MGA: variants seen among roughly 807,000 people sequenced by gnomAD.
MGA encodes the protein MAX gene-associated protein.
Under a neutral mutation model 261.1 loss-of-function variants are expected in MGA, and 40 were observed. The observed-to-expected ratio is 0.15, with a 90% CI of 0.12 to 0.20. MGA has a LOEUF of 0.20. Among genes scored for constraint, MGA ranks in the 10% least tolerant of loss-of-function variants. MGA has a pLI of 1.00. For synonymous variants in MGA, 1,302 were observed against 1,290.6 expected (o/e 1.01, Z -0.19); for missense variants, 3,397 against 3,630.5 (o/e 0.94, Z 1.65).
rs2061305489 is a variant in MGA, at chr15:41,727,370, A to G, written c.3621A>G (p.Lys1207=). 2 of 1,613,978 alleles carry G rather than the reference A, an allele frequency of 1.2e-6. No individual in the cohort carries two copies. Among genetic ancestry groups the G allele is most frequent in the Non-Finnish European group, 1.7e-6 (2 of 1,179,888 alleles). Residue 1207 remains lysine (K), a synonymous_variant, in exon 10 of 24, where the codon AAA becomes AAG. Coordinates refer to ENST00000219905, the MANE Select transcript of MGA (RefSeq NM_001164273.2). ...AGGGCAAACTGCTCACTGGAATTAA[A>G]TCTCCACGGTCATATACTCCCAAAC...
chr15:41,657,339 C>CTTTTTT (rs373920516), upstream of MGA, among the ~76,000 whole-genome samples: 1 of 106,920 alleles, frequency 9.4e-6, no homozygotes, highest in African/African-American at 4.3e-5. Context: ...AGTGAAGGCC[C>CTTTTTT]TTTTTTTTTT....
intron 9 of MGA, among the ~76,000 whole-genome samples, chr15:41,714,487 C>T (rs772927202): frequency 5.9e-5 from 9 of 152,140 alleles, no homozygotes; most frequent in African/African-American, 1.2e-4. Context: ...CAACTTCAGA[C>T]GTATGCCAGT....
In MGA at chr15:41,740,091, A is replaced by G. The variant is rs1427928241; in HGVS notation, c.4473A>G (p.Pro1491=). The change falls in exon 14 of 24, where the codon CCA becomes CCG. Residue 1491 remains proline, a synonymous_variant. Transcript: ENST00000219905. ...CCAAGGTGGCTGCATCCAGGAAACCACGTACCCTGTTGCCTTCAACATCCA... is the reference window on the plus strand; with the variant it reads ...CCAAGGTGGCTGCATCCAGGAAACCGCGTACCCTGTTGCCTTCAACATCCA... The G allele has an allele frequency of 1.2e-6, 2 of 1,613,926 alleles. No individual in the cohort carries two copies. The highest frequency in any genetic ancestry group is 2.7e-5 in the African/African-American group (2 of 74,948).
chr15:41,752,549 GTTTTTTTTTT>G (rs35282917), intron 17 of MGA, among the ~76,000 whole-genome samples: 21 of 102,146 alleles, frequency 2.1e-4, no homozygotes, highest in African/African-American at 4.1e-4. Flanking sequence ...AACCTTTAAA[GTTTTTTTTTT>G]TTTTTTTTTT....
chr15:41,743,098 C>T lies in MGA; in HGVS notation c.5138C>T (p.Pro1713Leu), dbSNP rs753036059. The T allele has an allele frequency of 1.2e-6, 2 of 1,613,926 alleles. No homozygotes were observed. Among genetic ancestry groups the T allele is most frequent in the Admixed American group, 3.3e-5 (2 of 60,014 alleles). The change falls in exon 15 of 24, where the codon CCA becomes CTA. Residue 1713 changes from proline to leucine, a missense_variant. Physicochemically the swap from Pro to Leu is moderately conservative, Grantham distance 98 (BLOSUM62 -3). Transcript: ENST00000219905. Reference sequence around the variant, plus strand: ...GCATCTTCCTCCATGGTGACCACACCAACTTCATCTCTGGGCTCTGTTCCT... The same window carrying T: ...GCATCTTCCTCCATGGTGACCACACTAACTTCATCTCTGGGCTCTGTTCCT...
In MGA at chr15:41,768,921, G is replaced by A. The variant is rs1320748053; in HGVS notation, c.*1641G>A. 6.6e-6 allele frequency: 1 copy of A among 152,444 alleles called. No homozygotes were observed. The highest frequency in any genetic ancestry group is 2.4e-5 in the African/African-American group (1 of 41,414). 9.4% of individuals were successfully genotyped at this position (152,444 alleles called of 1,614,324 possible). ...AAAATTGCAGTGGGAGCAAATTCTT[G>A]TTGGTTTTGTGCTGCTTGCCTTTCT... On this transcript the variant is annotated 3_prime_UTR_variant, in exon 24 of 24. Coordinates refer to ENST00000219905, the MANE Select transcript of MGA (RefSeq NM_001164273.2).
intron 5 of MGA, among the ~76,000 whole-genome samples, chr15:41,701,187 T>C (rs1170730367): frequency 6.6e-6 from 1 of 152,184 alleles, no homozygotes; most frequent in Non-Finnish European, 1.5e-5. Flanking sequence ...TTTTCTCCCC[T>C]TTTCCTTTCT....
chr15:41,656,377 T>TCTCTCTCTCTCACA (rs1555403733), upstream of MGA, among the ~76,000 whole-genome samples: 2,844 of 67,570 alleles, frequency 0.042, 170 homozygotes, highest in Non-Finnish European at 0.076. Context: ...TCTCTCTCTC[T>TCTCTCTCTCTCACA]CACACCCAGG....
chr15:41,764,079 A>C (rs891782984), intron 22 of MGA, among the ~76,000 whole-genome samples: 4 of 151,972 alleles, frequency 2.6e-5, no homozygotes. Context: ...GAATCACTTG[A>C]ACCCGGGTGG....
At chr15:41,668,716 T>C (rs2057898744) in intron 1 of MGA, 112 bp from the exon 2 acceptor site, 1 of 458,534 alleles carries the variant, frequency 2.2e-6, no homozygotes, top group South Asian at 6.4e-5. Context: ...TAGAAGAATT[T>C]AGGAATATTT....
At chr15:41,656,382 C>CTCTCTCTCTCT (rs2057194512), upstream of MGA, among the ~76,000 whole-genome samples, 6 of 90,382 alleles carry the variant, frequency 6.6e-5, no homozygotes, top group Admixed American at 1.4e-4. Context: ...CTCTCTCACA[C>CTCTCTCTCTCT]CCAGGCTGGA....
intron 13 of MGA, 142 bp from the exon 14 acceptor site, chr15:41,739,764 A>G: frequency 6.8e-6 from 5 of 733,608 alleles, no homozygotes; most frequent in Non-Finnish European, 1.0e-5. Context: ...ATTATTCTAA[A>G]TGGAAAAAGT....
chr15:41,736,380 C>T lies in MGA; in HGVS notation c.4116C>T (p.Phe1372=). Residue 1372 remains phenylalanine, a synonymous_variant, in exon 13 of 24, where the codon TTC becomes TTT. Transcript: ENST00000219905. ...CACAATCACTTAAGGTGGGCAGCTT[C>T]ATCATTGAGTTGGCTTCTCAGCGAA... The T allele has an allele frequency of 1.2e-6, 2 of 1,614,002 alleles. No individual in the cohort carries two copies. Among genetic ancestry groups the T allele is most frequent in the Non-Finnish European group, 1.7e-6 (2 of 1,179,888 alleles).
intron 2 of MGA, among the ~76,000 whole-genome samples, chr15:41,683,365 T>C (rs984962375): frequency 6.6e-6 from 1 of 152,004 alleles, no homozygotes; most frequent in Non-Finnish European, 1.5e-5. Flanking sequence ...TGGGACTGAC[T>C]ACAGGTGTGC....
rs1197252224 is a variant in MGA at position 41,707,847 on chromosome 15, C to G, written c.2308C>G (p.Pro770Ala). Residue 770 changes from proline to alanine, a missense_variant, in exon 6 of 24, where the codon CCT becomes GCT. Pro to Ala is a conservative substitution (Grantham distance 27). Around this residue, in one of 9 missense-constraint regions of MGA, gnomAD observed 519 missense variants for 554.1 expected, o/e 0.94. Coordinates refer to ENST00000219905, the MANE Select transcript of MGA (RefSeq NM_001164273.2). ...TTTTTGGAACCTTACAGGAACCAACCCTGCCTCTCCTGGTGAGTATGTAAC... is the reference window on the plus strand; with the variant it reads ...TTTTTGGAACCTTACAGGAACCAACGCTGCCTCTCCTGGTGAGTATGTAAC... The G allele has an allele frequency of 5.0e-6, 8 of 1,612,872 alleles. No individual in the cohort carries two copies. The Admixed American group carries it at 1.3e-4, about 27-fold the overall frequency.
At chr15:41,746,693 A>G (rs1005608681) in intron 15 of MGA, among the ~76,000 whole-genome samples, 1 of 152,038 alleles carries the variant, frequency 6.6e-6, no homozygotes, top group East Asian at 1.9e-4. Context: ...AAATGTTATG[A>G]CCATGACTTT....
intron 1 of MGA, among the ~76,000 whole-genome samples, chr15:41,653,648 C>T (rs1424058956): frequency 6.7e-6 from 1 of 148,816 alleles, no homozygotes; most frequent in East Asian, 2.0e-4. Flanking sequence ...GTTGAAGCTG[C>T]AGTGAGCCGT....
upstream of MGA, among the ~76,000 whole-genome samples, chr15:41,658,107 A>G (rs150990913): frequency 1.2e-3 from 186 of 152,336 alleles, 1 homozygote; most frequent in East Asian, 0.026. Context: ...AACTGTGTAC[A>G]TTCTAGGCCA....
intron 15 of MGA, among the ~76,000 whole-genome samples, chr15:41,745,105 T>C (rs2062368022): frequency 6.6e-6 from 1 of 151,976 alleles, no homozygotes; most frequent in Admixed American, 6.6e-5. Context: ...TGTTAAACTC[T>C]TGACCTCATG....
Sources: gnomAD v4.1 joint callset for allele counts (sites outside exome capture counted in the v4.1 genomes callset) on GRCh38, gnomAD v4.1.1 for gene constraint, gnomAD v4.1.1 regional missense constraint, MANE v1.5 for transcripts, NCBI Gene and HGNC (gene_info 2026-07-23, HGNC 2026-07-21) for gene names.